The following ZFHX3 variants were observed in gnomAD, a reference collection of about 807,000 sequenced individuals.
ZFHX3 encodes zinc finger homeobox 3.
Under a neutral mutation model 279.1 loss-of-function variants are expected in ZFHX3, and 42 were observed. The ratio of observed to expected loss-of-function variants is 0.15; its 90% confidence interval spans 0.12 to 0.19. ZFHX3 has a LOEUF of 0.19. Among genes scored for constraint, ZFHX3 ranks in the 10% least tolerant of loss-of-function variants. The pLI, the probability that ZFHX3 is intolerant of heterozygous loss-of-function variation, is 1.00. For missense variants in ZFHX3, 4,981 were observed against 4,754.0 expected (o/e 1.05, Z -1.40); for synonymous variants, 2,293 against 1,957.8 (o/e 1.17, Z -4.52).
intron 3 of ZFHX3, among the ~76,000 whole-genome samples, chr16:73,439,907 G>GAA (rs2018057178): frequency 1.8e-5 from 1 of 54,268 alleles, no homozygotes; most frequent in African/African-American, 8.1e-5. Context: ...AGGGGAGAGG[G>GAA]ACAAAAAAAA....
At chr16:72,801,940 C>T (rs1045169679) in intron 7 of ZFHX3, among the ~76,000 whole-genome samples, 1 of 151,744 alleles carries the variant, frequency 6.6e-6, no homozygotes, top group African/African-American at 2.4e-5. Context: ...GACTCCCCCC[C>T]ACCTCCTTTC....
At chr16:73,470,797 A>T (rs972265341) in intron 2 of ZFHX3, among the ~76,000 whole-genome samples, 2 of 152,188 alleles carry the variant, frequency 1.3e-5, no homozygotes, top group Non-Finnish European at 2.9e-5. Flanking sequence ...GTGCTGAAAA[A>T]CTGAGATTGT....
chr16:73,348,110 ATCT>A (rs1234946149), intron 3 of ZFHX3, among the ~76,000 whole-genome samples: 2 of 152,148 alleles, frequency 1.3e-5, no homozygotes, highest in African/African-American at 2.4e-5. Flanking sequence ...CTGTTTACTA[ATCT>A]TCTTGAACTT....
At chr16:73,769,994 C>T (rs1193670565) in intron 1 of ZFHX3, among the ~76,000 whole-genome samples, 2 of 152,298 alleles carry the variant, frequency 1.3e-5, no homozygotes, top group East Asian at 3.9e-4. Flanking sequence ...GACTGACTAC[C>T]ATCCATGGTC....
chr16:73,588,094 T>TACA (rs1567526516), intron 2 of ZFHX3, among the ~76,000 whole-genome samples: 34 of 152,114 alleles, frequency 2.2e-4, no homozygotes, highest in African/African-American at 8.0e-4. Flanking sequence ...ATCAACAACG[T>TACA]AAGGTAACTA....
intron 2 of ZFHX3, among the ~76,000 whole-genome samples, chr16:73,532,816 C>T (rs940588368): frequency 1.3e-5 from 2 of 152,190 alleles, no homozygotes; most frequent in African/African-American, 4.8e-5. Context: ...GGCAGTTTCC[C>T]TCATGCTGTT....
At chr16:73,650,491 G>A (rs2052660502) in intron 2 of ZFHX3, among the ~76,000 whole-genome samples, 1 of 152,120 alleles carries the variant, frequency 6.6e-6, no homozygotes. Flanking sequence ...ACTGAATAGA[G>A]CAGAGAGAAA....
intron 3 of ZFHX3, among the ~76,000 whole-genome samples, chr16:73,390,535 T>C (rs1218634752): frequency 1.3e-5 from 2 of 152,148 alleles, no homozygotes; most frequent in African/African-American, 4.8e-5. Flanking sequence ...GAATGGTATA[T>C]TTTGAATTAA....
In ZFHX3 at chr16:73,053,454, G is replaced by C. The variant is rs11861998; in HGVS notation, c.-24+5076C>G. 5.9e-3 allele frequency among the ~76,000 whole-genome samples: 892 copies of C among 152,108 alleles called. 8 individuals carry two copies. Among genetic ancestry groups the C allele is most frequent in the African/African-American group, 0.021 (858 of 41,490 alleles). The stretch of plus-strand genomic sequence containing the variant: ...GATTTGCAACTGAATCAAAGTCTCC[G>C]AGTCGTCATTACAAGGTTTTTCGGT... On this transcript the variant is annotated intron_variant, in intron 1 of 8. Transcript: ENST00000397992.
intron 7 of ZFHX3, among the ~76,000 whole-genome samples, chr16:72,800,705 C>A (rs2036070502): frequency 6.6e-6 from 1 of 152,082 alleles, no homozygotes; most frequent in South Asian, 2.1e-4. Context: ...ACATTTGTAA[C>A]CCTTTACAAG....
intron 4 of ZFHX3, among the ~76,000 whole-genome samples, chr16:73,273,720 G>T (rs940537010): frequency 2.0e-5 from 3 of 151,984 alleles, no homozygotes; most frequent in African/African-American, 7.3e-5. Context: ...TCTCCCACTT[G>T]CCAGATATTT....
intron 2 of ZFHX3, among the ~76,000 whole-genome samples, chr16:73,492,836 C>T (rs1257313538): frequency 6.6e-6 from 1 of 152,130 alleles, no homozygotes; most frequent in Non-Finnish European, 1.5e-5. Context: ...ATAAACTGCT[C>T]CTAGCGGACT....
chr16:72,950,910 C>T lies in ZFHX3; in HGVS notation c.2775G>A (p.Glu925=), dbSNP rs751909617. The T allele has an allele frequency of 3.1e-6, 5 of 1,614,084 alleles. No homozygotes were observed. In the South Asian group the frequency reaches 5.5e-5, roughly 18 times the overall value. ...AGCTCTCGCCCAGGTTCATCAGCTC[C>T]TCTGACACCAGCTGCCCGCCCCCGA... is the stretch of plus-strand genomic sequence containing the variant. ...MRLGGGQLVS[E]ELMNLGESFI... The change falls in exon 3 of 10, where the codon GAG becomes GAA. Residue 925 remains glutamate (E), a synonymous_variant. Transcript: ENST00000268489.
At chr16:73,056,625 T>C (rs1179259086) in intron 1 of ZFHX3, among the ~76,000 whole-genome samples, 1 of 152,200 alleles carries the variant, frequency 6.6e-6, no homozygotes, top group East Asian at 1.9e-4. Context: ...CCTATATTGT[T>C]CCGGAGGGCA....
At chr16:73,778,284 T>G (rs914553313) in intron 1 of ZFHX3, among the ~76,000 whole-genome samples, 2 of 114,994 alleles carry the variant, frequency 1.7e-5, no homozygotes, top group Admixed American at 1.8e-4. Context: ...CAACTCAAAA[T>G]GAAATCTAGT....
At chr16:73,163,672 G>A (rs978924807) in intron 5 of ZFHX3, among the ~76,000 whole-genome samples, 6 of 152,178 alleles carry the variant, frequency 3.9e-5, no homozygotes, top group African/African-American at 1.4e-4. Context: ...AAGAGTGCAC[G>A]TTTCCTGCAA....
At chr16:73,587,839 A>T (rs916775595) in intron 2 of ZFHX3, among the ~76,000 whole-genome samples, 1 of 152,226 alleles carries the variant, frequency 6.6e-6, no homozygotes, top group Non-Finnish European at 1.5e-5. Context: ...TAAACAAAAC[A>T]TCCTTTTCAA....
At chr16:73,108,472 C>T (rs946718745) in intron 7 of ZFHX3, among the ~76,000 whole-genome samples, 3 of 152,180 alleles carry the variant, frequency 2.0e-5, no homozygotes, top group Non-Finnish European at 2.9e-5. Flanking sequence ...GGTGGGATCA[C>T]GGCTCACTGC....
intron 8 of ZFHX3, among the ~76,000 whole-genome samples, chr16:73,074,635 A>G (rs1323573797): frequency 6.9e-6 from 1 of 145,908 alleles, no homozygotes; most frequent in Non-Finnish European, 1.5e-5. Flanking sequence ...ACTAAACTGC[A>G]GATGCCGATT....
Sources: gnomAD v4.1 joint callset for allele counts (sites outside exome capture counted in the v4.1 genomes callset) on GRCh38, gnomAD v4.1.1 for gene constraint, MANE v1.5 for transcripts, NCBI Gene and HGNC (gene_info 2026-07-23, HGNC 2026-07-21) for gene names.